The following SFMBT2 variants were observed in gnomAD, a reference collection of about 807,000 sequenced individuals.
The protein encoded by SFMBT2 is Scm like with four mbt domains 2, also known as scm-like with four MBT domains protein 2.
In SFMBT2, 38 loss-of-function variants were observed where a neutral mutation model predicts 110.1. The ratio of observed to expected loss-of-function variants is 0.35; its 90% CI spans 0.27 to 0.45. The LOEUF (loss-of-function observed/expected upper bound fraction) is 0.45. Among genes scored for constraint, SFMBT2 ranks in the 20% least tolerant of loss-of-function variants. SFMBT2 has a pLI of 1.00. For synonymous variants in SFMBT2, 425 were observed against 425.4 expected (o/e 1.00, Z 0.01); for missense variants, 1,011 against 1,094.9 (o/e 0.92, Z 1.08).
At chr10:7,232,981 A>AT (rs1840149362) in intron 9 of SFMBT2, among the ~76,000 whole-genome samples, 1 of 152,146 alleles carries the variant, frequency 6.6e-6, no homozygotes, top group Non-Finnish European at 1.5e-5. Context: ...TGGTAGCCAT[A>AT]TGCCCTTTTC....
In SFMBT2 at chr10:7,259,277, C is replaced by A. The variant is rs1841124246; in HGVS notation, c.871-10628G>T. Among the ~76,000 whole-genome samples, 3 of 152,216 alleles carry A rather than the reference C, an allele frequency of 2.0e-5. No homozygotes were observed. In the South Asian group the frequency reaches 6.2e-4, roughly 31 times the overall value. On this transcript the variant is annotated intron_variant, in intron 7 of 20. Coordinates refer to ENST00000397167, the MANE Select transcript of SFMBT2 (RefSeq NM_001387889.1). The stretch of plus-strand genomic sequence containing the variant: ...TTGCAAACCCCTCTACGTGCTCTGC[C>A]ACAAGTGGGAAGCCTCCCCACTGGA...
At chr10:7,249,361 C>T (rs113506002) in intron 7 of SFMBT2, 1 of 258,476 alleles carries the variant, frequency 3.9e-6, no homozygotes, top group Non-Finnish European at 6.0e-6. Context: ...ATTTCAATAT[C>T]CACTTCAGCT....
chr10:7,210,920 G>C (rs925589528), intron 11 of SFMBT2, among the ~76,000 whole-genome samples: 9 of 152,174 alleles, frequency 5.9e-5, no homozygotes, highest in East Asian at 5.8e-4. Context: ...ACGAGTATGG[G>C]GGGGGTGTGG....
rs1845340540 is a variant in SFMBT2 at position 7,378,709 on chromosome 10, TGTGTGTGGCTGTGGGGTGG to T, written c.100+3071_100+3089del. ...GTGGATGGTCGGGTGTGTGCATGGG[TGTGTGTGGCTGTGGGGTGG>T]GTGTGTGGCTGTGGGGTGGTGTGAG... On this transcript the variant is annotated intron_variant, in intron 2 of 20. Coordinates refer to ENST00000397167, the MANE Select transcript of SFMBT2 (RefSeq NM_001387889.1). Among the ~76,000 whole-genome samples, 9 of 138,790 alleles carry T rather than the reference TGTGTGTGGCTGTGGGGTGG, an allele frequency of 6.5e-5. No homozygotes were observed. In the South Asian group the frequency reaches 1.6e-3, roughly 25 times the overall value. The allele number at this position is 138,790 out of a possible 152,430, so 91.1% of individuals were successfully genotyped here.
intron 9 of SFMBT2, among the ~76,000 whole-genome samples, chr10:7,242,686 A>G (rs1840473128): frequency 6.6e-6 from 1 of 152,258 alleles, no homozygotes; most frequent in South Asian, 2.1e-4. Flanking sequence ...TAGTAAAGGT[A>G]AGCAGGCAGG....
chr10:7,245,866 G>A (rs772425109), intron 8 of SFMBT2, among the ~76,000 whole-genome samples: 3 of 152,162 alleles, frequency 2.0e-5, no homozygotes, highest in African/African-American at 7.2e-5. Context: ...GTTATGCCAC[G>A]AAGAAAAGGC....
intron 7 of SFMBT2, among the ~76,000 whole-genome samples, 182 bp from the exon 8 acceptor site, chr10:7,248,831 T>C (rs762037188): frequency 2.0e-4 from 30 of 152,330 alleles, no homozygotes; most frequent in Admixed American, 5.9e-4. Flanking sequence ...TTCTGCAGGC[T>C]AAATTGCTTT....
At chr10:7,197,734 AC>A (rs777765209) in intron 14 of SFMBT2, 47 bp from the exon 15 acceptor site, 12 of 1,597,534 alleles carry the variant, frequency 7.5e-6, no homozygotes, top group Admixed American at 5.1e-5. Context: ...ACAGCCCCAG[AC>A]CCTAGGGGAC....
intron 4 of SFMBT2, among the ~76,000 whole-genome samples, chr10:7,337,431 G>A (rs764958519): frequency 1.1e-4 from 17 of 152,182 alleles, no homozygotes; most frequent in Non-Finnish European, 1.9e-4. Flanking sequence ...TGACTGGATC[G>A]TGCAGGCAGT....
chr10:7,354,960 G>A (rs1199740664), intron 4 of SFMBT2, among the ~76,000 whole-genome samples: 1 of 152,164 alleles, frequency 6.6e-6, no homozygotes, highest in Non-Finnish European at 1.5e-5. Context: ...AGTCATAAAT[G>A]ATTTTATCTT....
chr10:7,382,004 T>G, intron 1 of SFMBT2, 55 bp from the exon 2 acceptor site: 6 of 933,574 alleles, frequency 6.4e-6, no homozygotes, highest in Non-Finnish European at 8.9e-6. Context: ...TTGATTATAT[T>G]CACTTATTTT....
At chr10:7,344,103 C>T (rs1844022723) in intron 4 of SFMBT2, among the ~76,000 whole-genome samples, 1 of 152,136 alleles carries the variant, frequency 6.6e-6, no homozygotes, top group Non-Finnish European at 1.5e-5. Flanking sequence ...AATCTCTTGT[C>T]CTATTTGTGC....
chr10:7,350,670 T>C (rs1294652167), intron 4 of SFMBT2, among the ~76,000 whole-genome samples: 6 of 152,376 alleles, frequency 3.9e-5, no homozygotes, highest in Non-Finnish European at 5.9e-5. Flanking sequence ...TTTTATACTT[T>C]AAGTCTGCAT....
intron 1 of SFMBT2, among the ~76,000 whole-genome samples, chr10:7,401,417 G>C (rs1249875087): frequency 6.6e-6 from 1 of 152,188 alleles, no homozygotes; most frequent in African/African-American, 2.4e-5. Context: ...CACGGAGCTG[G>C]AGGAGTGATC....
At chr10:7,392,429 C>T (rs1219660052) in intron 1 of SFMBT2, among the ~76,000 whole-genome samples, 3 of 152,048 alleles carry the variant, frequency 2.0e-5, no homozygotes, top group Admixed American at 1.3e-4. Flanking sequence ...GCAGGAGAAT[C>T]GCTTGAACCC....
intron 8 of SFMBT2, among the ~76,000 whole-genome samples, chr10:7,246,668 G>A (rs1418003470): frequency 7.7e-6 from 1 of 129,564 alleles, no homozygotes; most frequent in African/African-American, 2.9e-5. Context: ...GTAGTGAGCC[G>A]AGATCATGTC....
At chr10:7,371,037 T>C (rs1483642905) in intron 2 of SFMBT2, among the ~76,000 whole-genome samples, 3 of 152,194 alleles carry the variant, frequency 2.0e-5, no homozygotes, top group Non-Finnish European at 1.5e-5. Flanking sequence ...CATGTGTTTC[T>C]CCAACCACAA....
chr10:7,341,112 T>C (rs1434760626), intron 4 of SFMBT2, among the ~76,000 whole-genome samples: 1 of 152,202 alleles, frequency 6.6e-6, no homozygotes, highest in Non-Finnish European at 1.5e-5. Context: ...AGAAAAGCCA[T>C]TACAAAGAGT....
chr10:7,196,524 A>T (rs182124727), intron 15 of SFMBT2, among the ~76,000 whole-genome samples: 12 of 152,310 alleles, frequency 7.9e-5, no homozygotes, highest in Admixed American at 5.9e-4. Context: ...TCGGACGCCC[A>T]ACTGTACATC....
Sources: allele counts gnomAD v4.1 joint callset (sites outside exome capture counted in the v4.1 genomes callset), GRCh38; gene constraint gnomAD v4.1.1; transcripts MANE v1.5; gene names NCBI Gene and HGNC (gene_info 2026-07-23, HGNC 2026-07-21).